The following LRP1B variants were observed in gnomAD, a reference collection of about 807,000 sequenced individuals.
LRP1B encodes the protein low-density lipoprotein receptor-related protein 1B.
Under a neutral mutation model 556.6 loss-of-function variants are expected in LRP1B, and 217 were observed. The observed-to-expected ratio is 0.39, with a 90% CI of 0.35 to 0.44. The LOEUF is 0.44. Among genes scored for constraint, LRP1B ranks in the 20% least tolerant of loss-of-function variants. The pLI is 1.00. For missense variants in LRP1B, 5,053 were observed against 5,620.8 expected, an observed-to-expected ratio of 0.90 and a Z score of 3.23; for synonymous variants, 2,047 against 1,865.8, an observed-to-expected ratio of 1.10 and a Z score of -2.50.
chr2:141,122,028 T>G (rs1186813189), intron 7 of LRP1B, among the ~76,000 whole-genome samples: 1 of 152,256 alleles, frequency 6.6e-6, no homozygotes, highest in East Asian at 1.9e-4. Context: ...ATAAATGGTC[T>G]GGGAAGACTG....
At chr2:142,083,714 T>C (rs1198293534) in intron 1 of LRP1B, among the ~76,000 whole-genome samples, 5 of 152,206 alleles carry the variant, frequency 3.3e-5, no homozygotes, top group Admixed American at 3.3e-4. Context: ...AAAGCAGGTG[T>C]CTTTTAAATT....
intron 14 of LRP1B, among the ~76,000 whole-genome samples, chr2:141,011,283 G>A (rs1307454486): frequency 6.6e-6 from 1 of 150,744 alleles, no homozygotes; most frequent in Non-Finnish European, 1.5e-5. Flanking sequence ...ATGTATTAAT[G>A]TCTGAGATTC....
chr2:141,878,452 G>A (rs1052621550), intron 1 of LRP1B, among the ~76,000 whole-genome samples: 1 of 151,506 alleles, frequency 6.6e-6, no homozygotes, highest in African/African-American at 2.4e-5. Flanking sequence ...AAAGTGTATA[G>A]GACAATATTT....
intron 2 of LRP1B, among the ~76,000 whole-genome samples, chr2:141,644,784 C>CG (rs1689489839): frequency 7.2e-6 from 1 of 138,232 alleles, no homozygotes; most frequent in Non-Finnish European, 1.5e-5. Context: ...CACACACACA[C>CG]AACACACACA....
chr2:140,332,212 T>C (rs1049749988), intron 79 of LRP1B, among the ~76,000 whole-genome samples: 4 of 152,114 alleles, frequency 2.6e-5, no homozygotes, highest in South Asian at 2.1e-4. Flanking sequence ...TTATTGGAGA[T>C]TATCTTTCTC....
intron 83 of LRP1B, among the ~76,000 whole-genome samples, chr2:140,299,047 T>C (rs1394361354): frequency 2.0e-5 from 3 of 152,260 alleles, no homozygotes; most frequent in Admixed American, 2.0e-4. Context: ...TTCTCTTGTC[T>C]TTGTAGACCT....
Position 141,095,928 on chromosome 2 carries a change from A to G in LRP1B, c.1014-33655T>C, listed in dbSNP as rs1347001253. Among the ~76,000 whole-genome samples the G allele has an allele frequency of 4.6e-5, 7 of 152,158 alleles. No homozygotes were observed. In the East Asian group the frequency reaches 9.7e-4, roughly 21 times the overall value. ...GAGGACTATTTGGTCAATAAGAGATATCAAACAATTGTATCTTTTACATTC... is the reference window on the plus strand; with the variant it reads ...GAGGACTATTTGGTCAATAAGAGATGTCAAACAATTGTATCTTTTACATTC... On this transcript the variant is annotated intron_variant, in intron 7 of 90. Transcript: ENST00000389484.
At chr2:141,317,011 T>A (rs1024869521) in intron 3 of LRP1B, among the ~76,000 whole-genome samples, 6 of 152,200 alleles carry the variant, frequency 3.9e-5, no homozygotes, top group African/African-American at 1.4e-4. Flanking sequence ...TATAAAGAGA[T>A]GCCAAACTGG....
chr2:140,270,191 G>T, intron 86 of LRP1B, 51 bp downstream of exon 86: 1 of 1,258,806 alleles, frequency 7.9e-7, no homozygotes, highest in Non-Finnish European at 1.2e-6. Flanking sequence ...GGGATTTCAT[G>T]TACATACAAA....
rs988400814 is a variant in LRP1B, at chr2:140,864,226, T to C, written c.4579+3364A>G. On this transcript the variant is annotated intron_variant, in intron 27 of 90. Coordinates refer to ENST00000389484, the MANE Select transcript of LRP1B (RefSeq NM_018557.3). ...TCAAGGACTTAGCTAGACTCTATAG[T>C]TGACACAAAGAAATAAATGAAACAC... is the stretch of plus-strand genomic sequence containing the variant. 5.3e-5 allele frequency among the ~76,000 whole-genome samples: 8 copies of C among 152,098 alleles called. No homozygotes were observed. The South Asian group carries it at 6.2e-4, about 12-fold the overall frequency.
intron 7 of LRP1B, among the ~76,000 whole-genome samples, chr2:141,100,090 A>G (rs1056922282): frequency 2.6e-5 from 4 of 152,106 alleles, no homozygotes; most frequent in African/African-American, 9.7e-5. Flanking sequence ...CCTGGATTTT[A>G]TATCTCTTAT....
intron 6 of LRP1B, among the ~76,000 whole-genome samples, chr2:141,220,774 A>C (rs1022940743): frequency 1.3e-5 from 2 of 151,688 alleles, no homozygotes; most frequent in African/African-American, 4.8e-5. Context: ...ATTCTTAAAA[A>C]AAAAAAAAAA....
chr2:141,704,147 T>C (rs544320443), intron 2 of LRP1B, among the ~76,000 whole-genome samples: 25 of 152,074 alleles, frequency 1.6e-4, no homozygotes, highest in African/African-American at 5.3e-4. Flanking sequence ...AGTAATATAA[T>C]GTTCTTGGTG....
chr2:141,697,676 TACTC>T (rs1691779034), intron 2 of LRP1B, among the ~76,000 whole-genome samples: 1 of 151,960 alleles, frequency 6.6e-6, no homozygotes, highest in Non-Finnish European at 1.5e-5. Context: ...CATGTAGTGC[TACTC>T]AGCCACCTGA....
rs144409251 is a variant in LRP1B, at chr2:141,216,290, T to C, written c.850+12893A>G. 1.9e-3 allele frequency among the ~76,000 whole-genome samples: 292 copies of C among 152,362 alleles called. 2 individuals carry two copies. The highest frequency in any genetic ancestry group is 6.4e-3 in the African/African-American group (266 of 41,588). On this transcript the variant is annotated intron_variant, in intron 6 of 90. Coordinates refer to ENST00000389484, the MANE Select transcript of LRP1B (RefSeq NM_018557.3). The stretch of plus-strand genomic sequence containing the variant: ...AAGTCATAAACCTTGGCAGCTTCCA[T>C]GTGGTGTTATGCCCACACTTGCAGA...
chr2:140,578,716 T>C (rs1681634851), intron 43 of LRP1B, among the ~76,000 whole-genome samples: 1 of 119,222 alleles, frequency 8.4e-6, no homozygotes, highest in African/African-American at 3.2e-5. Flanking sequence ...GTAGTGCACA[T>C]GTACCCTAAA....
intron 3 of LRP1B, among the ~76,000 whole-genome samples, chr2:141,410,285 T>C (rs756505940): frequency 6.6e-6 from 1 of 152,038 alleles, no homozygotes; most frequent in Non-Finnish European, 1.5e-5. Flanking sequence ...TGGTTAATAA[T>C]GTATTTTCAT....
intron 3 of LRP1B, among the ~76,000 whole-genome samples, chr2:141,287,448 G>C (rs1478407418): frequency 1.3e-5 from 2 of 151,142 alleles, no homozygotes; most frequent in South Asian, 2.1e-4. Flanking sequence ...TCAGACTCCC[G>C]AGTAGCTGGG....
intron 21 of LRP1B, among the ~76,000 whole-genome samples, chr2:140,914,801 TAAAAG>T (rs1416935243): frequency 2.0e-5 from 3 of 151,944 alleles, no homozygotes; most frequent in Non-Finnish European, 4.4e-5. Flanking sequence ...AAGAAAATAT[TAAAAG>T]GAGAGGAAAT....
Sources: gnomAD v4.1 joint callset for allele counts (sites outside exome capture counted in the v4.1 genomes callset) on GRCh38, gnomAD v4.1.1 for gene constraint, MANE v1.5 for transcripts, NCBI Gene and HGNC (gene_info 2026-07-23, HGNC 2026-07-21) for gene names.